Variants in ENTPD5 observed in about 807,000 individuals in gnomAD.
The protein encoded by ENTPD5 is ectonucleoside triphosphate diphosphohydrolase 5 (inactive).
ENTPD5 carries 49 observed loss-of-function variants against 60.2 expected under a neutral mutation model. That is an observed-to-expected ratio of 0.81 (90% CI 0.65 to 1.03). The LOEUF is 1.03. Ranked by LOEUF, ENTPD5 falls within the 50% of genes least tolerant of loss-of-function variation. ENTPD5 has a pLI of 0.00. For missense variants in ENTPD5, 480 were observed against 507.6 expected (o/e 0.95, Z 0.52); for synonymous variants, 187 against 185.4 (o/e 1.01, Z -0.07).
chr14:73,959,598 A>T, downstream of ENTPD5: 1 of 1,606,718 alleles, frequency 6.2e-7, no homozygotes, highest in Non-Finnish European at 8.5e-7. Flanking sequence ...TTTTTTTGAA[A>T]CGGATCCTTG....
chr14:73,996,343 T>A (rs549553301), intron 3 of ENTPD5: 1 of 247,586 alleles, frequency 4.0e-6, no homozygotes, highest in Non-Finnish European at 6.4e-6. Flanking sequence ...TTTATCATAG[T>A]TAACTTCCAA....
chr14:73,957,472 ATAGTG>A (rs561810782), downstream of ENTPD5, among the ~76,000 whole-genome samples: 5 of 152,072 alleles, frequency 3.3e-5, no homozygotes, highest in Non-Finnish European at 5.9e-5. Flanking sequence ...GTTTTTGGAG[ATAGTG>A]TTTTGTTTTG....
rs1316435155 is a variant in ENTPD5, at chr14:73,964,757, T to C, written c.*2171A>G. 6.6e-6 allele frequency: 1 copy of C among 152,168 alleles called. No homozygotes were observed. Among genetic ancestry groups the C allele is most frequent in the Admixed American group, 6.5e-5 (1 of 15,280 alleles). 9.4% of individuals were successfully genotyped at this position (152,168 alleles called of 1,614,324 possible). On this transcript the variant is annotated 3_prime_UTR_variant, in exon 16 of 16. Transcript: ENST00000334696. The stretch of plus-strand genomic sequence containing the variant: ...AAAGTCATGTCACTTATAAAAGAAC[T>C]TGGGAGGAACTTTTTTCAAAAGATC...
chr14:74,016,149 GT>G (rs1426704036), intron 1 of ENTPD5, among the ~76,000 whole-genome samples: 2 of 152,182 alleles, frequency 1.3e-5, no homozygotes, highest in Non-Finnish European at 2.9e-5. Flanking sequence ...TGTACTATCA[GT>G]TGTTGCTCAC....
downstream of ENTPD5, chr14:73,962,026 C>A: frequency 9.0e-7 from 1 of 1,108,600 alleles, no homozygotes; most frequent in Non-Finnish European, 1.3e-6. Flanking sequence ...CCACTCACTG[C>A]AGCCTCTGCC....
chr14:73,995,046 GA>G (rs1031401188), intron 3 of ENTPD5, among the ~76,000 whole-genome samples: 8 of 118,766 alleles, frequency 6.7e-5, no homozygotes, highest in African/African-American at 2.5e-4. Context: ...TAGCCAGGCA[GA>G]ATTTTTTTTT....
intron 3 of ENTPD5, among the ~76,000 whole-genome samples, chr14:73,994,320 T>C (rs1476349395): frequency 6.6e-6 from 1 of 151,736 alleles, no homozygotes; most frequent in Non-Finnish European, 1.5e-5. Flanking sequence ...AAAGATGGGG[T>C]TTCACCATGT....
downstream of ENTPD5, chr14:73,961,382 C>A: frequency 6.2e-7 from 1 of 1,614,142 alleles, no homozygotes; most frequent in Non-Finnish European, 8.5e-7. Flanking sequence ...TTGGGTAAGA[C>A]GATAACAGAG....
intron 12 of ENTPD5, 117 bp from the exon 13 acceptor site, chr14:73,973,141 A>G (rs1253754701): frequency 3.3e-5 from 41 of 1,239,130 alleles, no homozygotes; most frequent in Non-Finnish European, 4.6e-5. Flanking sequence ...GGAAAGCAGG[A>G]GAAGGCTGAG....
chr14:73,971,981 C>A, intron 13 of ENTPD5, 73 bp from the exon 14 acceptor site: 1 of 881,466 alleles, frequency 1.1e-6, no homozygotes, highest in South Asian at 1.3e-5. Context: ...TTCATTCATT[C>A]ATTATATACA....
At chr14:73,983,856 A>G (rs967721569) in intron 5 of ENTPD5, among the ~76,000 whole-genome samples, 4 of 147,614 alleles carry the variant, frequency 2.7e-5, no homozygotes, top group East Asian at 2.1e-4. Flanking sequence ...ACACCCAGAT[A>G]ATTTTTGTAT....
chr14:73,987,998 C>G lies in ENTPD5; in HGVS notation c.105G>C (p.Leu35=). ...NQQTWFEGIF[L]SSMCPINVSA... is the part of the protein sequence containing the mutation. ...TGACATTGATGGGGCACATGGAAGA[C>G]AGGAAGATACCCTCAAACCAAGTCT... The change falls in exon 4 of 16, where the codon CTG becomes CTC. Residue 35 remains leucine (L), a synonymous_variant. Transcript: ENST00000334696. 6.2e-7 allele frequency: 1 copy of G among 1,614,150 alleles called. No homozygotes were observed. Among genetic ancestry groups the G allele is most frequent in the Non-Finnish European group, 8.5e-7 (1 of 1,180,036 alleles).
At chr14:74,013,674 T>C (rs1053958339) in intron 2 of ENTPD5, among the ~76,000 whole-genome samples, 5 of 152,126 alleles carry the variant, frequency 3.3e-5, no homozygotes. Flanking sequence ...TGTTTGTGTA[T>C]GGGTGACAAT....
intron 3 of ENTPD5, 150 bp from the exon 4 acceptor site, chr14:73,988,322 C>A: frequency 1.6e-6 from 1 of 635,504 alleles, no homozygotes; most frequent in Non-Finnish European, 2.5e-6. Flanking sequence ...GGGCTCTTAG[C>A]ACCTTTTCCG....
downstream of ENTPD5, chr14:73,955,408 T>A: frequency 6.6e-7 from 1 of 1,513,764 alleles, no homozygotes. Context: ...GGAGCCCAGG[T>A]CCTTGTGAAG....
chr14:73,987,664 C>G (rs1229511829), intron 4 of ENTPD5, among the ~76,000 whole-genome samples: 1 of 151,760 alleles, frequency 6.6e-6, no homozygotes, highest in Non-Finnish European at 1.5e-5. Flanking sequence ...CAAAGCAAGA[C>G]CTTGTCTCAA....
downstream of ENTPD5, chr14:73,959,202 C>T (rs1300543608): frequency 1.2e-6 from 2 of 1,614,246 alleles, no homozygotes; most frequent in Non-Finnish European, 8.5e-7. Flanking sequence ...TTTCTTCCCT[C>T]TGGGCCTATT....
intron 1 of ENTPD5, 116 bp from the exon 2 acceptor site, chr14:74,016,046 T>A (rs1170963307): frequency 6.6e-6 from 1 of 152,218 alleles, no homozygotes; most frequent in East Asian, 1.9e-4. Flanking sequence ...TAGTAATAAT[T>A]CCTGGAACTT....
chr14:74,015,889 C>G lies in ENTPD5; in HGVS notation c.-196G>C, dbSNP rs2059001771. The G allele has an allele frequency of 1.3e-5, 2 of 152,144 alleles. No individual in the cohort carries two copies. The highest frequency in any genetic ancestry group is 2.9e-5 in the Non-Finnish European group (2 of 68,036). 9.4% of individuals were successfully genotyped at this position (152,144 alleles called of 1,614,324 possible). ...GATCTTGTCTGTATGAGGATTCAGC[C>G]AAGACACTCCACATTTCTTTGTTGA... On this transcript the variant is annotated 5_prime_UTR_variant, in exon 2 of 16. Coordinates refer to ENST00000334696, the MANE Select transcript of ENTPD5 (RefSeq NM_001249.5).
Sources: allele counts gnomAD v4.1 joint callset (sites outside exome capture counted in the v4.1 genomes callset), GRCh38; gene constraint gnomAD v4.1.1; transcripts MANE v1.5; gene names NCBI Gene and HGNC (gene_info 2026-07-23, HGNC 2026-07-21).